The following FAT3 variants were observed in gnomAD, a reference collection of about 807,000 sequenced individuals.
The protein encoded by FAT3 is FAT atypical cadherin 3.
FAT3 carries 95 observed loss-of-function variants against 310.2 expected under a neutral mutation model. That is an observed-to-expected ratio of 0.31 (90% CI 0.26 to 0.36). The LOEUF is 0.36. Ranked by LOEUF, FAT3 falls within the 10% of genes least tolerant of loss-of-function variation. The pLI is 1.00. For missense variants in FAT3, 5,408 were observed against 5,715.6 expected, an observed-to-expected ratio of 0.95 and a Z score of 1.74; for synonymous variants, 2,314 against 2,192.9, an observed-to-expected ratio of 1.06 and a Z score of -1.54.
intron 4 of FAT3, among the ~76,000 whole-genome samples, chr11:92,753,798 G>GTGTGTGTGTGTGTGTGTATATATATA: frequency 8.4e-6 from 1 of 119,114 alleles, no homozygotes; most frequent in African/African-American, 3.9e-5. Context: ...GTGTGTGTGT[G>GTGTGTGTGTGTGTGTGTATATATATA]TATATATATA....
At chr11:92,712,281 G>A (rs534959878) in intron 4 of FAT3, among the ~76,000 whole-genome samples, 1 of 152,010 alleles carries the variant, frequency 6.6e-6, no homozygotes, top group Non-Finnish European at 1.5e-5. Flanking sequence ...TTCCAACTTG[G>A]AGCTATTAAG....
intron 1 of FAT3, among the ~76,000 whole-genome samples, chr11:92,260,833 G>T (rs1253547954): frequency 2.0e-5 from 3 of 152,040 alleles, no homozygotes; most frequent in Non-Finnish European, 2.9e-5. Flanking sequence ...TAATACAAGA[G>T]TCGAGACAAT....
Position 92,774,257 on chromosome 11 carries a change from A to C in FAT3, c.4335+77A>C, listed in dbSNP as rs1044077647. The C allele has an allele frequency of 1.7e-5, 24 of 1,418,492 alleles. No individual in the cohort carries two copies. In the African/African-American group the frequency reaches 3.5e-4, roughly 20 times the overall value. 87.9% of individuals were successfully genotyped at this position (1,418,492 alleles called of 1,614,324 possible). On this transcript the variant is annotated intron_variant, in intron 7 of 27. Transcript: ENST00000525166. The stretch of plus-strand genomic sequence containing the variant: ...CAGGGGTGCAAGCAATGAAAAAAAA[A>C]TGTAATGGAAGTAGTAAATTATGTC...
At position 92,257,764 on chromosome 11, in the gene FAT3, A is replaced by G. The variant is rs561415063; in HGVS notation, c.-18+32590A>G. On this transcript the variant is annotated intron_variant, in intron 1 of 27. Transcript: ENST00000525166. ...ACTGACTGCTGATTCATCTCCATTC[A>G]TGAATGTTTTGGGTGCAGTTAGAAC... Among the ~76,000 whole-genome samples, 3 of 152,252 alleles carry G rather than the reference A, an allele frequency of 2.0e-5. No individual in the cohort carries two copies. In the East Asian group the frequency reaches 5.8e-4, roughly 29 times the overall value.
At chr11:92,392,790 C>T (rs1386064043) in intron 2 of FAT3, among the ~76,000 whole-genome samples, 1 of 152,168 alleles carries the variant, frequency 6.6e-6, no homozygotes, top group Admixed American at 6.6e-5. Context: ...AGAAAGCTCC[C>T]CAGAACCCTT....
At chr11:92,355,946 G>A (rs540662917) in intron 2 of FAT3, among the ~76,000 whole-genome samples, 7 of 152,224 alleles carry the variant, frequency 4.6e-5, no homozygotes, top group Middle Eastern at 3.4e-3. Context: ...ATATAAGGAG[G>A]TGTGCTTCTA....
intron 3 of FAT3, among the ~76,000 whole-genome samples, chr11:92,526,783 A>G (rs1383766358): frequency 6.6e-6 from 1 of 152,198 alleles, no homozygotes; most frequent in Non-Finnish European, 1.5e-5. Context: ...TCTTCTTGCC[A>G]TAGATTTTTA....
At chr11:92,426,965 G>T (rs903801900) in intron 2 of FAT3, among the ~76,000 whole-genome samples, 3 of 152,114 alleles carry the variant, frequency 2.0e-5, no homozygotes, top group African/African-American at 7.2e-5. Flanking sequence ...ATCACTTTGG[G>T]TAGTATGGCC....
At chr11:92,369,307 A>C (rs748718519) in intron 2 of FAT3, among the ~76,000 whole-genome samples, 58 of 152,226 alleles carry the variant, frequency 3.8e-4, no homozygotes, top group Non-Finnish European at 6.8e-4. Context: ...TTCTGAAAGA[A>C]GTCTTTAATG....
intron 23 of FAT3, among the ~76,000 whole-genome samples, chr11:92,882,081 T>C (rs1346341319): frequency 6.6e-6 from 1 of 152,202 alleles, no homozygotes; most frequent in Non-Finnish European, 1.5e-5. Flanking sequence ...TTGTCTGCAA[T>C]TCTACAATCC....
chr11:92,525,233 C>T (rs1053445752), intron 3 of FAT3, among the ~76,000 whole-genome samples: 3 of 152,136 alleles, frequency 2.0e-5, no homozygotes, highest in Admixed American at 2.0e-4. Flanking sequence ...CTCAGAGAGC[C>T]AGCTGCTTCC....
chr11:92,757,889 G>T (rs558320930), intron 4 of FAT3, among the ~76,000 whole-genome samples: 1 of 152,302 alleles, frequency 6.6e-6, no homozygotes, highest in Non-Finnish European at 1.5e-5. Context: ...AGTTTGAGGA[G>T]TGGCTAAAAA....
At chr11:92,828,324 C>CT (rs1430420788) in intron 13 of FAT3, among the ~76,000 whole-genome samples, 2 of 152,066 alleles carry the variant, frequency 1.3e-5, no homozygotes. Flanking sequence ...ATGCTTCTGA[C>CT]TTTATTTCTA....
intron 6 of FAT3, chr11:92,766,947 CAT>C (rs1385848062): frequency 2.6e-5 from 4 of 152,180 alleles, no homozygotes; most frequent in Admixed American, 2.6e-4. Context: ...TGTCCAGAGA[CAT>C]GTGCAATAGT....
At position 92,883,296 on chromosome 11, in the gene FAT3, G is replaced by A. The variant is rs766053591; in HGVS notation, c.12840G>A (p.Val4280=). The A allele has an allele frequency of 6.2e-7, 1 of 1,612,648 alleles. No homozygotes were observed. Among genetic ancestry groups the A allele is most frequent in the Non-Finnish European group, 8.5e-7 (1 of 1,179,836 alleles). Residue 4280 remains valine, a synonymous_variant, in exon 24 of 28, where the codon GTG becomes GTA. Coordinates refer to ENST00000525166, the MANE Select transcript of FAT3 (RefSeq NM_001367949.2). The surrounding 1 kb of genome is among the most constrained non-coding windows in gnomAD (Gnocchi z 4.2). ...SPRILTARRG[V]VVCSVAPNLP... ...GCATCCTGACAGCCCGGCGGGGCGT[G>A]GTCGTGTGCAGTGTGGCCCCCAACC...
intron 3 of FAT3, among the ~76,000 whole-genome samples, chr11:92,691,600 C>G (rs1331687335): frequency 6.6e-6 from 1 of 152,072 alleles, no homozygotes; most frequent in Non-Finnish European, 1.5e-5. Flanking sequence ...AGGCTGGTCT[C>G]ATACTCCTGG....
chr11:92,352,116 G>T lies in FAT3; in HGVS notation c.4G>T (p.Asp2Tyr). 7.5e-7 allele frequency: 1 copy of T among 1,335,142 alleles called. No homozygotes were observed. Among genetic ancestry groups the T allele is most frequent in the Non-Finnish European group, 1.0e-6 (1 of 1,004,488 alleles). 82.7% of individuals were successfully genotyped at this position (1,335,142 alleles called of 1,614,324 possible). M[D>Y]IIMGHCVGTR... is the part of the protein sequence containing the mutation. Reference sequence around the variant, plus strand: ...TCCAGGATGGAAGTATGATGTGATGGATATAATTATGGGACACTGTGTGGG... The same window carrying T: ...TCCAGGATGGAAGTATGATGTGATGTATATAATTATGGGACACTGTGTGGG... Residue 2 changes from aspartate to tyrosine, a missense_variant, in exon 2 of 28, where the codon GAT becomes TAT. Physicochemically the swap from Asp to Tyr is radical, Grantham distance 160. Around this residue, in one of 5 missense-constraint regions of FAT3, gnomAD observed 152 missense variants for 188.3 expected, o/e 0.81. Transcript: ENST00000525166.
chr11:92,482,101 A>G (rs1249944220), intron 2 of FAT3, among the ~76,000 whole-genome samples: 1 of 152,102 alleles, frequency 6.6e-6, no homozygotes, highest in Non-Finnish European at 1.5e-5. Flanking sequence ...TTAACCATAC[A>G]TTTAGACATC....
chr11:92,867,910 T>C (rs1591832695), intron 22 of FAT3, among the ~76,000 whole-genome samples: 2 of 151,304 alleles, frequency 1.3e-5, no homozygotes, highest in Non-Finnish European at 2.9e-5. Context: ...GAGTAGGCAT[T>C]AAAAAAAAGC....
Sources: gnomAD v4.1 joint callset for allele counts (sites outside exome capture counted in the v4.1 genomes callset) on GRCh38, gnomAD v4.1.1 for gene constraint, gnomAD v4.1.1 regional missense constraint, Gnocchi (gnomAD v3.1) non-coding constraint, MANE v1.5 for transcripts, NCBI Gene and HGNC (gene_info 2026-07-23, HGNC 2026-07-21) for gene names.